MAPRE2: variants seen among roughly 807,000 people sequenced by gnomAD.
MAPRE2 encodes the protein microtubule associated protein RP/EB family member 2.
Under a neutral mutation model 43.2 loss-of-function variants are expected in MAPRE2, and 13 were observed. That is an observed-to-expected ratio of 0.30 (90% confidence interval 0.20 to 0.48). The LOEUF is 0.48. MAPRE2 is among the 20% of genes least tolerant of loss of function. The pLI, the probability that MAPRE2 is intolerant of heterozygous loss-of-function variation, is 0.99. For synonymous variants in MAPRE2, 135 were observed against 148.8 expected, an observed-to-expected ratio of 0.91 and a Z score of 0.68; for missense variants, 161 against 400.2, an observed-to-expected ratio of 0.40 and a Z score of 5.10.
intron 2 of MAPRE2, among the ~76,000 whole-genome samples, chr18:35,095,207 G>T (rs1302172457): frequency 6.6e-6 from 1 of 152,026 alleles, no homozygotes; most frequent in Admixed American, 6.6e-5. Flanking sequence ...AAGTTGATAA[G>T]CAAGATATAA....
intron 2 of MAPRE2, among the ~76,000 whole-genome samples, chr18:35,017,994 T>C (rs942070005): frequency 5.3e-5 from 8 of 151,916 alleles, no homozygotes; most frequent in African/African-American, 1.9e-4. Flanking sequence ...ATGAGGTATG[T>C]TCCTTGAAGG....
chr18:35,026,830 A>G (rs2097045507), intron 2 of MAPRE2, among the ~76,000 whole-genome samples: 1 of 152,120 alleles, frequency 6.6e-6, no homozygotes, highest in Non-Finnish European at 1.5e-5. Context: ...GGGATAGGAG[A>G]GCAGGCAGAG....
At chr18:35,069,868 C>G (rs1404437220) in intron 1 of MAPRE2, among the ~76,000 whole-genome samples, 1 of 151,496 alleles carries the variant, frequency 6.6e-6, no homozygotes, top group East Asian at 1.9e-4. Flanking sequence ...CTGGTGTATA[C>G]TGCTACAAAC....
chr18:35,023,071 A>G (rs944908793), intron 2 of MAPRE2, among the ~76,000 whole-genome samples: 4 of 152,228 alleles, frequency 2.6e-5, no homozygotes, highest in African/African-American at 9.7e-5. Context: ...ATAAGCTCAG[A>G]AAAACTAAAA....
chr18:35,052,378 C>T (rs1905986512), intron 1 of MAPRE2, among the ~76,000 whole-genome samples: 1 of 152,162 alleles, frequency 6.6e-6, no homozygotes, highest in Non-Finnish European at 1.5e-5. Flanking sequence ...AAGATTCATC[C>T]ATATGGGATG....
chr18:35,027,748 G>A (rs1217519732), intron 2 of MAPRE2, among the ~76,000 whole-genome samples: 2 of 152,176 alleles, frequency 1.3e-5, no homozygotes, highest in Non-Finnish European at 2.9e-5. Flanking sequence ...ATAACCATTT[G>A]TCCTACATTA....
chr18:35,004,156 T>G (rs1476383211), intron 1 of MAPRE2, among the ~76,000 whole-genome samples: 3 of 152,138 alleles, frequency 2.0e-5, no homozygotes, highest in African/African-American at 7.2e-5. Flanking sequence ...AAACATCTCC[T>G]TTTTCCCTTA....
At chr18:35,106,021 A>G (rs944623371) in intron 4 of MAPRE2, among the ~76,000 whole-genome samples, 5 of 152,128 alleles carry the variant, frequency 3.3e-5, no homozygotes, top group Non-Finnish European at 5.9e-5. Context: ...GAGTCACTCA[A>G]AGCCGTTCTC....
chr18:35,056,727 A>G (rs1405322493), intron 1 of MAPRE2, among the ~76,000 whole-genome samples: 1 of 152,084 alleles, frequency 6.6e-6, no homozygotes, highest in Non-Finnish European at 1.5e-5. Flanking sequence ...TCTTGTGGTA[A>G]TTTCCTTTTT....
chr18:35,088,467 T>C (rs540735998), intron 2 of MAPRE2, among the ~76,000 whole-genome samples: 12 of 152,302 alleles, frequency 7.9e-5, no homozygotes, highest in Non-Finnish European at 1.5e-4. Context: ...GGGAAGGAAT[T>C]TGGATTTTAT....
chr18:35,017,244 G>GTTTTTTTTTT (rs140257488), intron 2 of MAPRE2, among the ~76,000 whole-genome samples: 18 of 126,268 alleles, frequency 1.4e-4, no homozygotes, highest in East Asian at 4.4e-4. Flanking sequence ...CGGTTTTGTT[G>GTTTTTTTTTT]TTTTTTTTTT....
upstream of MAPRE2, among the ~76,000 whole-genome samples, chr18:35,037,437 T>C (rs1341850133): frequency 6.6e-6 from 1 of 152,192 alleles, no homozygotes; most frequent in African/African-American, 2.4e-5. Context: ...CTTGCCAAGG[T>C]CATAGAACCT....
chr18:34,996,208 C>A (rs932277157), intron 1 of MAPRE2, among the ~76,000 whole-genome samples: 1 of 152,084 alleles, frequency 6.6e-6, no homozygotes, highest in Admixed American at 6.5e-5. Context: ...ATTACCTCGG[C>A]GGTCCTAAAC....
chr18:35,001,275 G>A (rs894710499), intron 1 of MAPRE2, among the ~76,000 whole-genome samples: 1 of 152,134 alleles, frequency 6.6e-6, no homozygotes, highest in Non-Finnish European at 1.5e-5. Flanking sequence ...ACTTTGGGAG[G>A]CCGAGGCAGG....
At chr18:35,119,496 G>A (rs201145841) in intron 4 of MAPRE2, among the ~76,000 whole-genome samples, 16 of 152,116 alleles carry the variant, frequency 1.1e-4, no homozygotes, top group East Asian at 7.7e-4. Flanking sequence ...CATCTTGTGC[G>A]TTTCATTCAT....
At chr18:35,106,991 T>C (rs919055615) in intron 4 of MAPRE2, among the ~76,000 whole-genome samples, 1 of 152,190 alleles carries the variant, frequency 6.6e-6, no homozygotes, top group African/African-American at 2.4e-5. Flanking sequence ...TGTGAACACT[T>C]ACTAAACATA....
chr18:35,101,909 T>G, intron 3 of MAPRE2, 37 bp from the exon 4 acceptor site: 136 of 1,478,582 alleles, frequency 9.2e-5, no homozygotes, highest in Middle Eastern at 3.6e-4. Context: ...TACCCAAACG[T>G]GAGGTTTGTA....
intron 6 of MAPRE2, among the ~76,000 whole-genome samples, chr18:35,137,063 T>C (rs1445738110): frequency 6.6e-6 from 1 of 152,156 alleles, no homozygotes; most frequent in East Asian, 1.9e-4. Context: ...TGCAATAGCA[T>C]TGTGTGGGCT....
At chr18:35,029,070 G>C (rs1454336765) in intron 2 of MAPRE2, among the ~76,000 whole-genome samples, 1 of 152,196 alleles carries the variant, frequency 6.6e-6, no homozygotes, top group Non-Finnish European at 1.5e-5. Flanking sequence ...TACATGTTGA[G>C]TCAATGTGAA....
Sources: allele counts gnomAD v4.1 joint callset (sites outside exome capture counted in the v4.1 genomes callset), GRCh38; gene constraint gnomAD v4.1.1; transcripts MANE v1.5; gene names NCBI Gene and HGNC (gene_info 2026-07-23, HGNC 2026-07-21).